DYNC1H1: variants seen among roughly 807,000 people sequenced by gnomAD.
The protein encoded by DYNC1H1 is dynein cytoplasmic 1 heavy chain 1, also known as cytoplasmic dynein 1 heavy chain 1.
A neutral mutation model predicts 527.1 loss-of-function variants in DYNC1H1; 51 were observed. The ratio of observed to expected loss-of-function variants is 0.10; its 90% CI spans 0.08 to 0.12. DYNC1H1 has a LOEUF of 0.12. Among genes scored for constraint, DYNC1H1 ranks in the 10% least tolerant of loss-of-function variants. The pLI, the probability that DYNC1H1 is intolerant of heterozygous loss-of-function variation, is 1.00. For missense variants in DYNC1H1, 2,771 were observed against 5,971.8 expected, an observed-to-expected ratio of 0.46 and a Z score of 17.66; for synonymous variants, 2,189 against 2,278.8, an observed-to-expected ratio of 0.96 and a Z score of 1.12.
In DYNC1H1 at chr14:102,044,658, C is replaced by T; in HGVS notation, c.12966C>T (p.Gly4322=). 6.2e-7 allele frequency: 1 copy of T among 1,614,168 alleles called. No individual in the cohort carries two copies. Among genetic ancestry groups the T allele is most frequent in the African/African-American group, 1.3e-5 (1 of 75,068 alleles). Residue 4322 remains glycine, a synonymous_variant, in exon 72 of 78, where the codon GGC becomes GGT. Coordinates refer to ENST00000360184, the MANE Select transcript of DYNC1H1 (RefSeq NM_001376.5). The surrounding 1 kb of genome is among the most constrained non-coding windows in gnomAD (Gnocchi z 7.1). ...LPDTQTPSWL[G]LPNNAERVLL... is the part of the protein sequence containing the mutation. ...ACACCCAGACGCCCTCCTGGCTGGG[C>T]CTGCCCAACAACGCCGAGAGAGTCC...
Position 102,044,771 on chromosome 14 carries a change from G to A in DYNC1H1, c.13006+73G>A. Reference sequence around the variant, plus strand: ...CCCTCACGCGGGGTGGGTGGCGAGGGTCCCCACACGCAGGGTGAGTGTGCA... The same window carrying A: ...CCCTCACGCGGGGTGGGTGGCGAGGATCCCCACACGCAGGGTGAGTGTGCA... On this transcript the variant is annotated intron_variant, in intron 72 of 77. Transcript: ENST00000360184. The surrounding 1 kb of genome is among the most constrained non-coding windows in gnomAD (Gnocchi z 7.1). The A allele has an allele frequency of 6.5e-7, 1 of 1,533,146 alleles. No homozygotes were observed. The highest frequency in any genetic ancestry group is 9.0e-7 in the Non-Finnish European group (1 of 1,112,978). The allele number at this position is 1,533,146 out of a possible 1,614,324, so 95.0% of individuals were successfully genotyped here. A position where few individuals can be genotyped will look rare whatever the true frequency, so the allele number is the denominator to read the frequency against.
In DYNC1H1 at chr14:102,027,574, C is replaced by T. The variant is rs147393270; in HGVS notation, c.9048+30C>T. 2.3e-5 allele frequency: 37 copies of T among 1,614,168 alleles called. No homozygotes were observed. The highest frequency in any genetic ancestry group is 8.9e-5 in the East Asian group (4 of 44,882). ...TTAGGTGACGTGTTGCGTTGCATTA[C>T]GTGTTACCGGGGGACCAGTAAGTCA... On this transcript the variant is annotated intron_variant, in intron 46 of 77. Transcript: ENST00000360184. This position sits in a 1 kb window ranked among gnomAD's most constrained non-coding sequence, Gnocchi z 7.7.
rs748082103 is a variant in DYNC1H1 at position 102,039,398 on chromosome 14, C to A, written c.11461-14C>A. ...GAGGGAGCTGCCTCACCGCTGCCCACTGCTTCCTTTCAGATACACTTCTTG... is the reference window on the plus strand; with the variant it reads ...GAGGGAGCTGCCTCACCGCTGCCCAATGCTTCCTTTCAGATACACTTCTTG... On this transcript the variant is annotated splice_polypyrimidine_tract_variant and intron_variant, in intron 60 of 77. Coordinates refer to ENST00000360184, the MANE Select transcript of DYNC1H1 (RefSeq NM_001376.5). The surrounding 1 kb of genome is among the most constrained non-coding windows in gnomAD (Gnocchi z 7.0). 6.2e-7 allele frequency: 1 copy of A among 1,614,166 alleles called. No individual in the cohort carries two copies. The highest frequency in any genetic ancestry group is 1.3e-5 in the African/African-American group (1 of 74,958).
chr14:102,042,953 G>A lies in DYNC1H1; in HGVS notation c.12513+205G>A, dbSNP rs1037002350. ...GGTAATCCTAGCACTTTGGAAGGTC[G>A]AGGTGGGAGGATCACTTGAGCCCAG... On this transcript the variant is annotated intron_variant, in intron 69 of 77. Transcript: ENST00000360184. The surrounding 1 kb of genome is among the most constrained non-coding windows in gnomAD (Gnocchi z 5.7). The A allele has an allele frequency of 8.0e-6, 5 of 627,236 alleles. No individual in the cohort carries two copies. The highest frequency in any genetic ancestry group is 1.7e-5 in the South Asian group (1 of 57,350). The allele number at this position is 627,236 out of a possible 1,614,324, so 38.9% of individuals were successfully genotyped here.
Position 102,007,021 on chromosome 14 carries a change from T to C in DYNC1H1, c.5730T>C (p.Thr1910=). ...TTCTTTAAACAGGACCTGCTGGAAC[T>C]GGGAAAACAGAGTCTGTCAAAGCTC... ...LGGSPFGPAG[T]GKTESVKALG... Residue 1910 remains threonine, a synonymous_variant, in exon 28 of 78, where the codon ACT becomes ACC. Coordinates refer to ENST00000360184, the MANE Select transcript of DYNC1H1 (RefSeq NM_001376.5). The C allele has an allele frequency of 6.2e-7, 1 of 1,614,256 alleles. No individual in the cohort carries two copies. Among genetic ancestry groups the C allele is most frequent in the Non-Finnish European group, 8.5e-7 (1 of 1,180,036 alleles).
intron 1 of DYNC1H1, among the ~76,000 whole-genome samples, chr14:101,968,155 G>A (rs1004149002): frequency 6.6e-6 from 1 of 152,218 alleles, no homozygotes; most frequent in Non-Finnish European, 1.5e-5. Flanking sequence ...TGCAGCTGAT[G>A]GAACTGACAT....
Position 102,018,402 on chromosome 14 carries a change from T to G in DYNC1H1, c.8178-49T>G. On this transcript the variant is annotated intron_variant, in intron 40 of 77. Transcript: ENST00000360184. This position sits in a 1 kb window ranked among gnomAD's most constrained non-coding sequence, Gnocchi z 5.2. Reference sequence around the variant, plus strand: ...ACTCCACTGGCACACTGCCCCTTCCTGGGAGGCGCTGTCAGGGAGGGGCGC... The same window carrying G: ...ACTCCACTGGCACACTGCCCCTTCCGGGGAGGCGCTGTCAGGGAGGGGCGC... 6.2e-7 allele frequency: 1 copy of G among 1,603,094 alleles called. No homozygotes were observed. Among genetic ancestry groups the G allele is most frequent in the East Asian group, 2.2e-5 (1 of 44,540 alleles).
At chr14:102,047,558 C>T (rs181158031) in intron 72 of DYNC1H1, 2 of 254,400 alleles carry the variant, frequency 7.9e-6, no homozygotes, top group Non-Finnish European at 1.5e-5. Context: ...TATACACACA[C>T]ACACACATAT....
Position 102,029,709 on chromosome 14 carries a change from C to T in DYNC1H1, c.9639C>T (p.Asp3213=), listed in dbSNP as rs2048488691. The part of the protein sequence containing the change: ...VGLRKIKETV[D]QVEELRRDLR... ...TCAGGAAGATCAAAGAGACAGTCGACCAGGTGCGTCACAGGCACAAATTCC... is the reference window on the plus strand; with the variant it reads ...TCAGGAAGATCAAAGAGACAGTCGATCAGGTGCGTCACAGGCACAAATTCC... The change falls in exon 49 of 78, where the codon GAC becomes GAT. Residue 3213 remains aspartate, a synonymous_variant. Transcript: ENST00000360184. This position sits in a 1 kb window ranked among gnomAD's most constrained non-coding sequence, Gnocchi z 5.3. 7.4e-6 allele frequency: 12 copies of T among 1,614,070 alleles called. No individual in the cohort carries two copies. Among genetic ancestry groups the T allele is most frequent in the Non-Finnish European group, 1.0e-5 (12 of 1,180,048 alleles).
At chr14:101,978,570 G>T (rs1210772090) in intron 2 of DYNC1H1, among the ~76,000 whole-genome samples, 2 of 152,226 alleles carry the variant, frequency 1.3e-5, no homozygotes, top group African/African-American at 4.8e-5. Flanking sequence ...TTGAGTGCCT[G>T]TTGTGTGCAA....
At position 102,010,196 on chromosome 14, in the gene DYNC1H1, C is replaced by G; in HGVS notation, c.6222-80C>G. 1 of 1,612,108 alleles carries G rather than the reference C, an allele frequency of 6.2e-7. No homozygotes were observed. Among genetic ancestry groups the G allele is most frequent in the East Asian group, 2.2e-5 (1 of 44,888 alleles). On this transcript the variant is annotated intron_variant, in intron 30 of 77. Transcript: ENST00000360184. This position sits in a 1 kb window ranked among gnomAD's most constrained non-coding sequence, Gnocchi z 6.0. ...ATGGTACGTCTTTCAAAATATCCATCTCTGGTTTCTTGACACTTGACCCTA... is the reference window on the plus strand; with the variant it reads ...ATGGTACGTCTTTCAAAATATCCATGTCTGGTTTCTTGACACTTGACCCTA...
chr14:101,977,836 A>G (rs966296856), intron 2 of DYNC1H1, among the ~76,000 whole-genome samples: 5 of 152,202 alleles, frequency 3.3e-5, no homozygotes, highest in African/African-American at 9.7e-5. Flanking sequence ...TTCTTTCTCA[A>G]TGTGTTACAT....
Position 102,047,852 on chromosome 14 carries a change from A to G in DYNC1H1, c.13042A>G (p.Met4348Val). The change falls in exon 73 of 78, where the codon ATG (methionine) becomes GTG (valine). Residue 4348 changes from methionine (M) to valine (V), a missense_variant. By Grantham distance (21) the Met-to-Val change is conservative (BLOSUM62 1). Coordinates refer to ENST00000360184, the MANE Select transcript of DYNC1H1 (RefSeq NM_001376.5). Reference protein sequence around the residue: ...DMISKMLKMQMLEDEDDLAYA... With the variant: ...DMISKMLKMQVLEDEDDLAYA... ...GATCAGTAAAATGCTGAAGATGCAGATGTTGGAGGATGAGGACGACCTGGC... is the reference window on the plus strand; with the variant it reads ...GATCAGTAAAATGCTGAAGATGCAGGTGTTGGAGGATGAGGACGACCTGGC... The G allele has an allele frequency of 6.2e-7, 1 of 1,613,314 alleles. No individual in the cohort carries two copies. The highest frequency in any genetic ancestry group is 8.5e-7 in the Non-Finnish European group (1 of 1,179,962).
rs2152585155 is a variant in DYNC1H1, at chr14:102,020,842, C to T, written c.8507+786C>T. Among the ~76,000 whole-genome samples the T allele has an allele frequency of 6.6e-6, 1 of 152,240 alleles. No individual in the cohort carries two copies. The highest frequency in any genetic ancestry group is 1.9e-4 in the East Asian group (1 of 5,184). On this transcript the variant is annotated intron_variant, in intron 42 of 77. Transcript: ENST00000360184. This position sits in a 1 kb window ranked among gnomAD's most constrained non-coding sequence, Gnocchi z 4.3. ...TGCAGTTTTTCCTGTCATTACTGTA[C>T]AAGGAGTCTCAGAATACTGCCTAGT...
chr14:102,024,291 G>C (rs1209203045), intron 43 of DYNC1H1, among the ~76,000 whole-genome samples: 1 of 152,228 alleles, frequency 6.6e-6, no homozygotes, highest in Non-Finnish European at 1.5e-5. Flanking sequence ...AAAGGATGAG[G>C]ACGTTTACCG....
intron 1 of DYNC1H1, among the ~76,000 whole-genome samples, chr14:101,966,461 A>G (rs1165639609): frequency 6.6e-6 from 1 of 151,772 alleles, no homozygotes; most frequent in Non-Finnish European, 1.5e-5. Flanking sequence ...ACATATAGTC[A>G]TTGTAGAAAA....
chr14:101,981,699 A>G (rs1025472617), intron 5 of DYNC1H1, among the ~76,000 whole-genome samples: 1 of 152,360 alleles, frequency 6.6e-6, no homozygotes, highest in African/African-American at 2.4e-5. Context: ...CACACATTAC[A>G]TGCGCATTCA....
Position 102,011,029 on chromosome 14 carries a change from C to A in DYNC1H1, c.6618+77C>A. ...AGTGTCTGGTAATGACAACCGTGGG[C>A]CCTTCGATGAAACTGTCCACAAAGG... On this transcript the variant is annotated intron_variant, in intron 32 of 77. Coordinates refer to ENST00000360184, the MANE Select transcript of DYNC1H1 (RefSeq NM_001376.5). The surrounding 1 kb of genome is among the most constrained non-coding windows in gnomAD (Gnocchi z 5.3). The A allele has an allele frequency of 1.3e-6, 2 of 1,492,478 alleles. No homozygotes were observed. The highest frequency in any genetic ancestry group is 1.7e-5 in the Admixed American group (1 of 59,530). 92.5% of individuals were successfully genotyped at this position (1,492,478 alleles called of 1,614,324 possible). A position where few individuals can be genotyped will look rare whatever the true frequency, so the allele number is the denominator to read the frequency against.
intron 1 of DYNC1H1, among the ~76,000 whole-genome samples, chr14:101,970,473 GTTTTTTT>G (rs958653217): frequency 1.2e-5 from 1 of 81,436 alleles, no homozygotes; most frequent in Non-Finnish European, 2.5e-5. Context: ...GTTTGTTGTT[GTTTTTTT>G]TTTTTTTTTT....
Sources: gnomAD v4.1 joint callset for allele counts (sites outside exome capture counted in the v4.1 genomes callset) on GRCh38, gnomAD v4.1.1 for gene constraint, Gnocchi (gnomAD v3.1) non-coding constraint, MANE v1.5 for transcripts, NCBI Gene and HGNC (gene_info 2026-07-23, HGNC 2026-07-21) for gene names.